Variants in SEPTIN10 observed in about 807,000 individuals in gnomAD.
The protein encoded by SEPTIN10 is septin 10, also known as septin-10.
A neutral mutation model predicts 54.8 loss-of-function variants in SEPTIN10; 66 were observed. That is an observed-to-expected ratio of 1.21 (90% CI 0.99 to 1.48). The LOEUF (loss-of-function observed/expected upper bound fraction) is 1.48. Among genes scored for constraint, SEPTIN10 ranks in the 40% most tolerant of loss-of-function variants. The pLI, the probability that SEPTIN10 is intolerant of heterozygous loss-of-function variation, is 0.00. For synonymous variants in SEPTIN10, 161 were observed against 181.0 expected, an observed-to-expected ratio of 0.89 and a Z score of 0.89; for missense variants, 620 against 545.6, an observed-to-expected ratio of 1.14 and a Z score of -1.36.
chr2:109,571,538 TATATCTAAAC>T (rs1232209944), intron 5 of SEPTIN10, among the ~76,000 whole-genome samples: 10 of 152,232 alleles, frequency 6.6e-5, no homozygotes, highest in African/African-American at 2.4e-4. Context: ...TAAGTATGTG[TATATCTAAAC>T]ATATCTAAAC....
chr2:109,560,917 T>C (rs980416291), intron 8 of SEPTIN10, among the ~76,000 whole-genome samples: 3 of 152,238 alleles, frequency 2.0e-5, no homozygotes, highest in Admixed American at 6.5e-5. Context: ...CAGCTCTTTA[T>C]TTTCATTGAT....
At chr2:109,596,962 A>G (rs1049664191) in intron 1 of SEPTIN10, among the ~76,000 whole-genome samples, 1 of 152,182 alleles carries the variant, frequency 6.6e-6, no homozygotes, top group Non-Finnish European at 1.5e-5. Context: ...AGTTATTTTT[A>G]AAACAGGTTC....
chr2:109,544,116 G>A lies in SEPTIN10; in HGVS notation c.*193C>T, dbSNP rs1179242470. On this transcript the variant is annotated 3_prime_UTR_variant, in exon 11 of 11. Coordinates refer to ENST00000397712, the MANE Select transcript of SEPTIN10 (RefSeq NM_144710.5). ...TTTTTGAATTAGAGATGCTCAACTT[G>A]TAGTATCATTCACTCTGGCTTATGT... 2 of 1,511,142 alleles carry A rather than the reference G, an allele frequency of 1.3e-6. No individual in the cohort carries two copies. Among genetic ancestry groups the A allele is most frequent in the African/African-American group, 2.8e-5 (2 of 72,036 alleles). 93.6% of individuals were successfully genotyped at this position (1,511,142 alleles called of 1,614,324 possible).
chr2:109,585,929 A>G, intron 2 of SEPTIN10, 91 bp from the exon 3 acceptor site: 1 of 837,560 alleles, frequency 1.2e-6, no homozygotes, highest in Non-Finnish European at 1.9e-6. Flanking sequence ...CAAATATATC[A>G]AATAAATGAA....
In SEPTIN10 at chr2:109,564,383, T is replaced by C. The variant is rs374734017; in HGVS notation, c.1011A>G (p.Pro337=). The C allele has an allele frequency of 1.2e-4, 181 of 1,568,056 alleles. 4 individuals carry two copies. The East Asian group carries it at 2.4e-3, about 21-fold the overall frequency. The change falls in exon 8 of 11, where the codon CCA becomes CCG. Residue 337 remains proline, a synonymous_variant. Coordinates refer to ENST00000397712, the MANE Select transcript of SEPTIN10 (RefSeq NM_144710.5). ...CACCCTACCTGACTGGCTTGTTTTC[T>C]GGGCCCACATCTGTAAAGCCCATTT... ...LEEMGFTDVG[P]ENKPVSVQET...
intron 8 of SEPTIN10, among the ~76,000 whole-genome samples, chr2:109,557,463 A>C (rs573998331): frequency 4.1e-4 from 63 of 152,372 alleles, no homozygotes; most frequent in African/African-American, 1.4e-3. Context: ...AAAGAAACAT[A>C]GCTGAAAAGT....
At chr2:109,556,862 C>T (rs1370262466) in intron 8 of SEPTIN10, among the ~76,000 whole-genome samples, 1 of 152,116 alleles carries the variant, frequency 6.6e-6, no homozygotes, top group African/African-American at 2.4e-5. Context: ...GAGTTCATGT[C>T]CTTTGTAGGG....
chr2:109,569,642 A>G (rs1413151883), intron 5 of SEPTIN10, among the ~76,000 whole-genome samples: 1 of 152,150 alleles, frequency 6.6e-6, no homozygotes, highest in Non-Finnish European at 1.5e-5. Flanking sequence ...TAAATTAGTC[A>G]AAGTACATAA....
intron 1 of SEPTIN10, among the ~76,000 whole-genome samples, chr2:109,598,288 G>A (rs901488056): frequency 4.6e-5 from 7 of 151,774 alleles, no homozygotes; most frequent in Non-Finnish European, 4.4e-5. Flanking sequence ...GGCTAGTCTC[G>A]AACTCCCAAC....
chr2:109,590,948 G>C (rs1393201975), intron 2 of SEPTIN10, among the ~76,000 whole-genome samples: 2 of 152,194 alleles, frequency 1.3e-5, no homozygotes, highest in Admixed American at 1.3e-4. Flanking sequence ...GACCCCTTGA[G>C]TATGAAACCC....
At chr2:109,567,574 T>C (rs891180169) in intron 6 of SEPTIN10, among the ~76,000 whole-genome samples, 7 of 152,178 alleles carry the variant, frequency 4.6e-5, no homozygotes, top group African/African-American at 2.4e-5. Context: ...GTCTCACAAA[T>C]CTATCACTTT....
intron 2 of SEPTIN10, among the ~76,000 whole-genome samples, chr2:109,587,027 CAAGA>C (rs1692727950): frequency 6.6e-6 from 1 of 151,968 alleles, no homozygotes; most frequent in Admixed American, 6.6e-5. Context: ...GATTCACAGT[CAAGA>C]AAGAAAGTCA....
At chr2:109,566,361 TCCA>T (rs1687024683) in intron 6 of SEPTIN10, among the ~76,000 whole-genome samples, 2 of 152,022 alleles carry the variant, frequency 1.3e-5, no homozygotes, top group Non-Finnish European at 2.9e-5. Flanking sequence ...CCTCAGGTGA[TCCA>T]CCTGTCTTGG....
At chr2:109,570,330 G>A (rs1688052913) in intron 5 of SEPTIN10, among the ~76,000 whole-genome samples, 1 of 152,020 alleles carries the variant, frequency 6.6e-6, no homozygotes, top group Non-Finnish European at 1.5e-5. Context: ...TTGGTCAAAA[G>A]GTAATATTGT....
chr2:109,567,044 C>CT (rs1687197772), intron 6 of SEPTIN10, among the ~76,000 whole-genome samples: 1 of 151,688 alleles, frequency 6.6e-6, no homozygotes. Flanking sequence ...AGTTTAGGTA[C>CT]ACTAATATAA....
chr2:109,546,347 C>A, intron 9 of SEPTIN10, 110 bp from the exon 10 acceptor site: 1 of 581,428 alleles, frequency 1.7e-6, no homozygotes, highest in East Asian at 3.1e-5. Flanking sequence ...GAATAACCTA[C>A]ACAGTCAAAA....
intron 8 of SEPTIN10, among the ~76,000 whole-genome samples, chr2:109,554,652 G>A (rs932846077): frequency 2.6e-5 from 4 of 152,116 alleles, no homozygotes; most frequent in African/African-American, 7.2e-5. Context: ...AGTGGCCATC[G>A]CCGGGAATCA....
intron 1 of SEPTIN10, chr2:109,594,560 A>G (rs1694863590): frequency 6.6e-6 from 1 of 151,306 alleles, no homozygotes; most frequent in Admixed American, 6.6e-5. Flanking sequence ...TCCTCTGTAT[A>G]CTACAGTGTG....
chr2:109,561,715 CTCAGG>C (rs773341365), intron 8 of SEPTIN10, among the ~76,000 whole-genome samples: 9 of 152,184 alleles, frequency 5.9e-5, no homozygotes, highest in Non-Finnish European at 1.0e-4. Context: ...TCCCATCCTC[CTCAGG>C]TCAATAACGA....
Sources: allele counts gnomAD v4.1 joint callset (sites outside exome capture counted in the v4.1 genomes callset), GRCh38; gene constraint gnomAD v4.1.1; transcripts MANE v1.5; gene names NCBI Gene and HGNC (gene_info 2026-07-23, HGNC 2026-07-21).